The following TRABD2A variants were observed in gnomAD, a reference collection of about 807,000 sequenced individuals.
TRABD2A encodes TraB domain containing 2A.
A neutral mutation model predicts 45.6 loss-of-function variants in TRABD2A; 43 were observed. The observed-to-expected ratio is 0.94, with a 90% CI of 0.74 to 1.22. The LOEUF (loss-of-function observed/expected upper bound fraction) is 1.22. Ranked by LOEUF, TRABD2A falls within the 50% of genes most tolerant of loss-of-function variation. TRABD2A has a pLI of 0.00. For synonymous variants in TRABD2A, 269 were observed against 265.0 expected, an observed-to-expected ratio of 1.02 and a Z score of -0.15; for missense variants, 642 against 652.4, an observed-to-expected ratio of 0.98 and a Z score of 0.17.
chr2:84,859,914 G>T (rs1391830789), intron 2 of TRABD2A, among the ~76,000 whole-genome samples: 1 of 151,790 alleles, frequency 6.6e-6, no homozygotes. Context: ...GGCCTATCTG[G>T]CTCATGGCTC....
At position 84,823,948 on chromosome 2, in the gene TRABD2A, C is replaced by T; in HGVS notation, c.1334+5G>A. On this transcript the variant is annotated splice_donor_5th_base_variant and intron_variant, in intron 6 of 6. Transcript: ENST00000409520. ...TGCCAACCCGACCCAGCCTACTCGC[C>T]TGACCTCTCCTCCAGGCGGACCCAC... 2 of 1,613,470 alleles carry T rather than the reference C, an allele frequency of 1.2e-6. No homozygotes were observed. The highest frequency in any genetic ancestry group is 2.2e-5 in the South Asian group (2 of 91,068).
intron 2 of TRABD2A, among the ~76,000 whole-genome samples, chr2:84,848,568 T>TAG (rs1229611727): frequency 6.1e-5 from 9 of 148,610 alleles, no homozygotes; most frequent in East Asian, 5.8e-4. Flanking sequence ...ATTACATATA[T>TAG]AGAGAGAGAG....
rs551017590 is a variant in TRABD2A, at chr2:84,845,850, T to C, written c.670-3843A>G. ...GTTCCAAGCACTGAAGATACAGTCA[T>C]GAACAAGACAAGATCCTTGCCTTTA... On this transcript the variant is annotated intron_variant, in intron 2 of 6. Transcript: ENST00000409520. Among the ~76,000 whole-genome samples, 5 of 152,262 alleles carry C rather than the reference T, an allele frequency of 3.3e-5. No individual in the cohort carries two copies. In the South Asian group the frequency reaches 1.0e-3, roughly 32 times the overall value.
At chr2:84,878,834 G>A (rs922669076) in intron 1 of TRABD2A, among the ~76,000 whole-genome samples, 1 of 152,196 alleles carries the variant, frequency 6.6e-6, no homozygotes, top group Non-Finnish European at 1.5e-5. Flanking sequence ...CTTACAGCAT[G>A]TGGGTCAGAC....
At chr2:84,865,632 C>T (rs930000998) in intron 2 of TRABD2A, among the ~76,000 whole-genome samples, 3 of 152,148 alleles carry the variant, frequency 2.0e-5, no homozygotes, top group African/African-American at 7.2e-5. Flanking sequence ...CTGAGGAGAC[C>T]GGAGCTTTCC....
chr2:84,870,224 C>T lies in TRABD2A; in HGVS notation c.669+1G>A, dbSNP rs1257313185. 6.2e-7 allele frequency: 1 copy of T among 1,604,778 alleles called. No individual in the cohort carries two copies. The highest frequency in any genetic ancestry group is 2.2e-5 in the East Asian group (1 of 44,688). On this transcript the variant is annotated splice_donor_variant, in intron 2 of 6. Coordinates refer to ENST00000409520, the MANE Select transcript of TRABD2A (RefSeq NM_001277053.2). LOFTEE classifies it high-confidence loss of function. ...AGTCTTTTATGCAAAGAGAGTCTTACCTGTGAAAAGTTCAACCCATTCAAT... is the reference window on the plus strand; with the variant it reads ...AGTCTTTTATGCAAAGAGAGTCTTATCTGTGAAAAGTTCAACCCATTCAAT...
At chr2:84,843,331 C>T (rs929542885) in intron 2 of TRABD2A, among the ~76,000 whole-genome samples, 1 of 152,104 alleles carries the variant, frequency 6.6e-6, no homozygotes, top group African/African-American at 2.4e-5. Flanking sequence ...TTTCAACTCT[C>T]CAGAGACAAC....
At chr2:84,848,375 T>TAGATAGATAGATAGATAGATAGAC (rs1315427907) in intron 2 of TRABD2A, among the ~76,000 whole-genome samples, 5 of 80,558 alleles carry the variant, frequency 6.2e-5, no homozygotes, top group Non-Finnish European at 1.0e-4. Flanking sequence ...GATAGATAGA[T>TAGATAGATAGATAGATAGATAGAC]AGACAGACAG....
intron 2 of TRABD2A, among the ~76,000 whole-genome samples, chr2:84,852,610 C>A (rs866166410): frequency 1.3e-5 from 2 of 152,238 alleles, no homozygotes; most frequent in African/African-American, 4.8e-5. Flanking sequence ...GAGGGTGTTG[C>A]AGCTTGTACC....
At chr2:84,849,448 A>C (rs145737660) in intron 2 of TRABD2A, 1 of 152,082 alleles carries the variant, frequency 6.6e-6, no homozygotes, top group African/African-American at 2.4e-5. Context: ...ATTTCCCTTC[A>C]TCTTAGGCAC....
chr2:84,829,650 C>T (rs773326422), intron 5 of TRABD2A, among the ~76,000 whole-genome samples: 8 of 150,640 alleles, frequency 5.3e-5, no homozygotes, highest in Non-Finnish European at 1.0e-4. Context: ...ACACAACACA[C>T]ACATCAGACA....
chr2:84,839,547 CT>C (rs1681638964), intron 3 of TRABD2A, among the ~76,000 whole-genome samples: 1 of 151,796 alleles, frequency 6.6e-6, no homozygotes, highest in African/African-American at 2.4e-5. Context: ...AACTCTTACA[CT>C]ATTTACAACT....
intron 2 of TRABD2A, among the ~76,000 whole-genome samples, chr2:84,856,989 C>T (rs1559093574): frequency 6.6e-6 from 1 of 152,142 alleles, no homozygotes; most frequent in Admixed American, 6.5e-5. Flanking sequence ...GAGGAAGAGT[C>T]GCCAGAGCTG....
At chr2:84,860,520 C>T (rs990371071) in intron 2 of TRABD2A, among the ~76,000 whole-genome samples, 3 of 152,296 alleles carry the variant, frequency 2.0e-5, no homozygotes, top group East Asian at 1.9e-4. Flanking sequence ...ATCATGAGGC[C>T]GACACTTTCT....
intron 2 of TRABD2A, among the ~76,000 whole-genome samples, chr2:84,844,764 C>G (rs368983804): frequency 3.2e-4 from 49 of 152,294 alleles, no homozygotes; most frequent in African/African-American, 1.2e-3. Context: ...ATGCCTGGCC[C>G]CAGGCCCAAG....
chr2:84,825,406 A>G (rs1055537286), intron 5 of TRABD2A, among the ~76,000 whole-genome samples: 2 of 152,200 alleles, frequency 1.3e-5, no homozygotes, highest in Admixed American at 1.3e-4. Flanking sequence ...CAAAAAAGTT[A>G]AAAGAAGGGA....
intron 5 of TRABD2A, among the ~76,000 whole-genome samples, chr2:84,829,005 T>C (rs1028708123): frequency 1.3e-5 from 2 of 151,944 alleles, no homozygotes; most frequent in Non-Finnish European, 2.9e-5. Flanking sequence ...AAGTAAAAGG[T>C]GGGAGAAGAA....
chr2:84,825,945 C>G (rs1681133904), intron 5 of TRABD2A, among the ~76,000 whole-genome samples: 1 of 152,130 alleles, frequency 6.6e-6, no homozygotes, highest in Admixed American at 6.5e-5. Context: ...CATCCCAAAA[C>G]CATCCCCCCC....
chr2:84,851,736 C>A (rs1040011922), intron 2 of TRABD2A, among the ~76,000 whole-genome samples: 1 of 152,172 alleles, frequency 6.6e-6, no homozygotes, highest in African/African-American at 2.4e-5. Context: ...CATAGAAATA[C>A]CAGCACAAGT....
Sources: allele counts gnomAD v4.1 joint callset (sites outside exome capture counted in the v4.1 genomes callset), GRCh38; gene constraint gnomAD v4.1.1; transcripts MANE v1.5; gene names NCBI Gene and HGNC (gene_info 2026-07-23, HGNC 2026-07-21).